The following GRK5 variants were observed in gnomAD, a reference collection of about 807,000 sequenced individuals.
GRK5 encodes the protein G protein-coupled receptor kinase 5.
GRK5 carries 40 observed loss-of-function variants against 78.4 expected under a neutral mutation model. The observed-to-expected ratio is 0.51, with a 90% CI of 0.40 to 0.66. The LOEUF (loss-of-function observed/expected upper bound fraction) is 0.66, where lower values mean the gene tolerates loss of function less well. Ranked by LOEUF, GRK5 falls within the 30% of genes least tolerant of loss-of-function variation. The pLI is 0.00. For missense variants in GRK5, 598 were observed against 759.9 expected (o/e 0.79, Z 2.50); for synonymous variants, 289 against 296.8 (o/e 0.97, Z 0.27).
At chr10:119,341,561 C>T (rs928159596) in intron 2 of GRK5, among the ~76,000 whole-genome samples, 1 of 152,144 alleles carries the variant, frequency 6.6e-6, no homozygotes, top group African/African-American at 2.4e-5. Flanking sequence ...GTGACCTCAC[C>T]TAGTCAGGGT....
At chr10:119,349,879 T>C (rs754501601) in intron 2 of GRK5, among the ~76,000 whole-genome samples, 27 of 152,252 alleles carry the variant, frequency 1.8e-4, no homozygotes, top group Admixed American at 3.3e-4. Flanking sequence ...GCCATGGCTA[T>C]TGCTGCGAGT....
intron 1 of GRK5, among the ~76,000 whole-genome samples, chr10:119,307,756 C>T (rs1435698005): frequency 4.6e-5 from 4 of 87,026 alleles, no homozygotes; most frequent in Non-Finnish European, 9.2e-5. Flanking sequence ...CCATGCTCTA[C>T]TCTGGTCTCC....
intron 2 of GRK5, among the ~76,000 whole-genome samples, chr10:119,353,602 A>G (rs930885642): frequency 6.6e-6 from 1 of 152,118 alleles, no homozygotes; most frequent in African/African-American, 2.4e-5. Context: ...CTTTGGATTC[A>G]GTAGGTTCAG....
chr10:119,229,655 A>G (rs939963364), intron 1 of GRK5, among the ~76,000 whole-genome samples: 2 of 152,176 alleles, frequency 1.3e-5, no homozygotes, highest in Non-Finnish European at 2.9e-5. Flanking sequence ...AGGCAGGTAC[A>G]TGATCAACTC....
At chr10:119,261,142 G>A (rs529604574) in intron 1 of GRK5, among the ~76,000 whole-genome samples, 130 of 150,312 alleles carry the variant, frequency 8.6e-4, no homozygotes, top group South Asian at 4.5e-3. Flanking sequence ...CTTTTCAGAC[G>A]GGGCGGCTGC....
intron 6 of GRK5, among the ~76,000 whole-genome samples, chr10:119,425,288 C>CACACACACACACAA (rs1852656458): frequency 7.3e-6 from 1 of 137,262 alleles, no homozygotes; most frequent in South Asian, 2.4e-4. Context: ...CACACACACA[C>CACACACACACACAA]ACACACACAA....
Position 119,253,848 on chromosome 10 carries a change from GT to G in GRK5, c.52+45880del, listed in dbSNP as rs1181070522. On this transcript the variant is annotated intron_variant, in intron 1 of 15. Coordinates refer to ENST00000392870, the MANE Select transcript of GRK5 (RefSeq NM_005308.3). The surrounding 1 kb of genome is among the most constrained non-coding windows in gnomAD (Gnocchi z 5.7). ...TTCCTGGTGGTTCTTTGCCCCAGGG[GT>G]GTGTGTGTGTGTGTGTGTGTGTGTA... is the stretch of plus-strand genomic sequence containing the variant. Among the ~76,000 whole-genome samples the G allele has an allele frequency of 0.032, 102 of 3,176 alleles. 1 individual carries two copies. Among genetic ancestry groups the G allele is most frequent in the East Asian group, 0.5 (1 of 2 alleles). 2.1% of individuals were successfully genotyped at this position (3,176 alleles called of 152,430 possible).
intron 4 of GRK5, among the ~76,000 whole-genome samples, chr10:119,403,633 GT>G (rs917003868): frequency 3.6e-4 from 54 of 151,810 alleles, no homozygotes; most frequent in African/African-American, 1.3e-3. Context: ...CTACCTTTTT[GT>G]TGTTGTTGTT....
chr10:119,255,100 C>T (rs78396467), intron 1 of GRK5, among the ~76,000 whole-genome samples: 6 of 149,564 alleles, frequency 4.0e-5, no homozygotes, highest in East Asian at 2.0e-4. Context: ...TGTATGTATG[C>T]GCAGGTAAGG....
Position 119,356,553 on chromosome 10 carries a change from C to A in GRK5, c.149-24262C>A, listed in dbSNP as rs190344276. On this transcript the variant is annotated intron_variant, in intron 2 of 15. Transcript: ENST00000392870. ...GTCTTGTTTGTCTATCTTCTTGATG[C>A]CCAATAAGATCAGCCCCTTTACTGT... is the stretch of plus-strand genomic sequence containing the variant. Among the ~76,000 whole-genome samples, 59 of 152,262 alleles carry A rather than the reference C, an allele frequency of 3.9e-4. 1 individual carries two copies. In the East Asian group the frequency reaches 5.0e-3, roughly 13 times the overall value.
intron 15 of GRK5, among the ~76,000 whole-genome samples, 182 bp downstream of exon 15, chr10:119,453,458 C>T (rs2133921986): frequency 6.6e-6 from 1 of 152,304 alleles, no homozygotes; most frequent in Non-Finnish European, 1.5e-5. Flanking sequence ...CTGATGGGAT[C>T]CCCGGGGAGA....
chr10:119,245,972 A>T (rs550998838), intron 1 of GRK5, among the ~76,000 whole-genome samples: 1 of 143,698 alleles, frequency 7.0e-6, no homozygotes. Flanking sequence ...GTGAGCCGAG[A>T]TCATGCTACT....
At chr10:119,230,886 CAA>C (rs958670349) in intron 1 of GRK5, among the ~76,000 whole-genome samples, 1 of 145,486 alleles carries the variant, frequency 6.9e-6, no homozygotes, top group Non-Finnish European at 1.5e-5. Context: ...AGAGGAGGCT[CAA>C]AAACTACCTG....
At chr10:119,247,228 A>G (rs763134365) in intron 1 of GRK5, among the ~76,000 whole-genome samples, 2 of 152,240 alleles carry the variant, frequency 1.3e-5, no homozygotes, top group African/African-American at 4.8e-5. Context: ...GGAAAATGGT[A>G]AACCTGACTT....
chr10:119,249,018 C>T (rs1849156315), intron 1 of GRK5, among the ~76,000 whole-genome samples: 1 of 152,150 alleles, frequency 6.6e-6, no homozygotes, highest in African/African-American at 2.4e-5. Flanking sequence ...CCTGTAATCC[C>T]AGCATTTTGG....
At position 119,245,868 on chromosome 10, in the gene GRK5, A is replaced by G. The variant is rs180996782; in HGVS notation, c.52+37899A>G. 9.2e-3 allele frequency among the ~76,000 whole-genome samples: 1,396 copies of G among 151,740 alleles called. 24 individuals carry two copies. The highest frequency in any genetic ancestry group is 0.032 in the African/African-American group (1,331 of 41,398). On this transcript the variant is annotated intron_variant, in intron 1 of 15. Transcript: ENST00000392870. Reference sequence around the variant, plus strand: ...CCGTCTCTACTAAAAAAATACAAAAAAGTTAGCTGGGCATGGTGGCGGGTG... The same window carrying G: ...CCGTCTCTACTAAAAAAATACAAAAGAGTTAGCTGGGCATGGTGGCGGGTG...
chr10:119,393,379 A>G (rs1851918508), intron 3 of GRK5, among the ~76,000 whole-genome samples: 1 of 152,196 alleles, frequency 6.6e-6, no homozygotes, highest in Non-Finnish European at 1.5e-5. Flanking sequence ...TATTTTTTTA[A>G]CGTGGGTTTT....
At chr10:119,291,146 A>G (rs373338105) in intron 1 of GRK5, among the ~76,000 whole-genome samples, 30 of 152,230 alleles carry the variant, frequency 2.0e-4, no homozygotes, top group Admixed American at 6.5e-4. Flanking sequence ...GCCGCAGGGT[A>G]TGGGGTGATC....
chr10:119,373,212 G>A (rs966343643), intron 2 of GRK5, among the ~76,000 whole-genome samples: 2 of 152,210 alleles, frequency 1.3e-5, no homozygotes, highest in African/African-American at 4.8e-5. Context: ...AGCTGGAAAA[G>A]CACTGCTTTA....
Sources: gnomAD v4.1 joint callset for allele counts (sites outside exome capture counted in the v4.1 genomes callset) on GRCh38, gnomAD v4.1.1 for gene constraint, Gnocchi (gnomAD v3.1) non-coding constraint, MANE v1.5 for transcripts, NCBI Gene and HGNC (gene_info 2026-07-23, HGNC 2026-07-21) for gene names.